The following HLF variants were observed in gnomAD, a reference collection of about 807,000 sequenced individuals.
The protein encoded by HLF is HLF transcription factor, PAR bZIP family member.
HLF carries 3 observed loss-of-function variants against 22.6 expected under a neutral mutation model. The ratio of observed to expected loss-of-function variants is 0.13; its 90% CI spans 0.06 to 0.34. HLF has a LOEUF of 0.34. Among genes scored for constraint, HLF ranks in the 10% least tolerant of loss-of-function variants. HLF has a pLI of 1.00. For missense variants in HLF, 299 were observed against 389.2 expected, an observed-to-expected ratio of 0.77 and a Z score of 1.95; for synonymous variants, 151 against 151.8, an observed-to-expected ratio of 0.99 and a Z score of 0.04.
chr17:55,317,367 T>C (rs1905112114), intron 3 of HLF, among the ~76,000 whole-genome samples: 3 of 152,206 alleles, frequency 2.0e-5, no homozygotes, highest in Non-Finnish European at 4.4e-5. Flanking sequence ...AGGATGCTGC[T>C]ATGAGTGATA....
chr17:55,285,989 T>C (rs2081000679), intron 2 of HLF, among the ~76,000 whole-genome samples: 2 of 152,130 alleles, frequency 1.3e-5, no homozygotes, highest in Non-Finnish European at 2.9e-5. Context: ...GCCACCCTTT[T>C]CTCTTGCAAA....
chr17:55,319,259 C>T (rs949004898), intron 3 of HLF, among the ~76,000 whole-genome samples: 2 of 151,954 alleles, frequency 1.3e-5, no homozygotes, highest in Non-Finnish European at 2.9e-5. Flanking sequence ...GGGGGTGGAC[C>T]GCTGACCTTA....
intron 2 of HLF, among the ~76,000 whole-genome samples, chr17:55,270,125 A>G (rs996562477): frequency 2.0e-5 from 3 of 152,212 alleles, no homozygotes; most frequent in Non-Finnish European, 4.4e-5. Flanking sequence ...CAGAGTTGCA[A>G]TGCATAGCAA....
intron 2 of HLF, among the ~76,000 whole-genome samples, chr17:55,314,653 T>C (rs1904991942): frequency 6.6e-6 from 1 of 152,228 alleles, no homozygotes; most frequent in Admixed American, 6.5e-5. Context: ...AATGCAAACC[T>C]CTGTCTTGTC....
At chr17:55,310,237 A>T (rs1049889908) in intron 2 of HLF, among the ~76,000 whole-genome samples, 3 of 152,206 alleles carry the variant, frequency 2.0e-5, no homozygotes, top group Non-Finnish European at 4.4e-5. Context: ...AACAAAAAAA[A>T]CGAAAAACAA....
intron 2 of HLF, among the ~76,000 whole-genome samples, chr17:55,295,993 T>C (rs903101397): frequency 6.6e-6 from 1 of 152,164 alleles, no homozygotes; most frequent in African/African-American, 2.4e-5. Flanking sequence ...AAAATGCCCT[T>C]GATAGAAGCA....
chr17:55,273,511 G>A (rs940152563), intron 2 of HLF: 2 of 152,194 alleles, frequency 1.3e-5, no homozygotes, highest in Middle Eastern at 3.2e-3. Flanking sequence ...AACACTTACA[G>A]CCTGACCTTT....
At chr17:55,304,796 G>T (rs767784291) in intron 2 of HLF, among the ~76,000 whole-genome samples, 1 of 152,176 alleles carries the variant, frequency 6.6e-6, no homozygotes, top group Middle Eastern at 3.2e-3. Context: ...CCCATTCAGC[G>T]CCCTGAGGTG....
Position 55,315,279 on chromosome 17 carries a change from C to T in HLF, c.504C>T (p.Thr168=). 1 of 1,614,166 alleles carries T rather than the reference C, an allele frequency of 6.2e-7. No homozygotes were observed. The highest frequency in any genetic ancestry group is 8.5e-7 in the Non-Finnish European group (1 of 1,180,008). The change falls in exon 3 of 4, where the codon ACC becomes ACT. Residue 168 remains threonine, a synonymous_variant. Coordinates refer to ENST00000226067, the MANE Select transcript of HLF (RefSeq NM_002126.5). ...CACCAAGTCCCATTGATCCTGACAC[C>T]ATCCAGGTCCCAGTGGGTTATGAGC... ...RNTPSPIDPD[T]IQVPVGYEPD... is the part of the protein sequence containing the mutation.
intron 2 of HLF, among the ~76,000 whole-genome samples, chr17:55,312,926 A>G (rs1904897978): frequency 6.6e-6 from 1 of 152,218 alleles, no homozygotes; most frequent in Admixed American, 6.5e-5. Flanking sequence ...AAAGGAAAAA[A>G]TGAGTTTAGT....
intron 2 of HLF, among the ~76,000 whole-genome samples, chr17:55,294,957 G>A (rs2081098762): frequency 6.6e-6 from 1 of 152,188 alleles, no homozygotes; most frequent in African/African-American, 2.4e-5. Flanking sequence ...ACAAGCTCAT[G>A]GATGTTTGTT....
chr17:55,266,901 C>A, intron 1 of HLF: 1 of 607,524 alleles, frequency 1.6e-6, no homozygotes, highest in Non-Finnish European at 2.1e-6. Flanking sequence ...TAGAATAACT[C>A]ACCTTTTCCA....
chr17:55,279,544 G>T (rs968687111), intron 2 of HLF, among the ~76,000 whole-genome samples: 6 of 151,706 alleles, frequency 4.0e-5, no homozygotes, highest in African/African-American at 1.5e-4. Flanking sequence ...GACCAACCTG[G>T]GTAACCGAGT....
At chr17:55,319,374 G>A (rs978407761) in intron 3 of HLF, among the ~76,000 whole-genome samples, 1 of 152,182 alleles carries the variant, frequency 6.6e-6, no homozygotes, top group African/African-American at 2.4e-5. Context: ...ATTTATTCTG[G>A]GTGGCATGTA....
At chr17:55,285,825 A>AGTGTTGTTTGC (rs2080998662) in intron 2 of HLF, among the ~76,000 whole-genome samples, 1 of 152,196 alleles carries the variant, frequency 6.6e-6, no homozygotes, top group Admixed American at 6.5e-5. Flanking sequence ...AAGTTAGAGA[A>AGTGTTGTTTGC]GTGTTGTTTG....
In HLF at chr17:55,267,768, G is replaced by A. The variant is rs945568063; in HGVS notation, c.133G>A (p.Asp45Asn). ...TTCTGCAGCATTTAGTAAAGATAAA[G>A]ACAAGGAAAAGAAGCTGGATGATGA... ...HHEDAFSKDK[D>N]KEKKLDDESN... The change falls in exon 2 of 4, where the codon GAC becomes AAC. Residue 45 changes from aspartate to asparagine, a missense_variant. Asp to Asn is a conservative substitution (Grantham distance 23). Around this residue, in one of 3 missense-constraint regions of HLF, gnomAD observed 72 missense variants for 74.0 expected, o/e 0.97. Transcript: ENST00000226067. The A allele has an allele frequency of 1.1e-5, 17 of 1,585,384 alleles. No homozygotes were observed. The highest frequency in any genetic ancestry group is 5.2e-5 in the Admixed American group (3 of 57,708).
At chr17:55,270,937 C>T (rs756940843) in intron 2 of HLF, among the ~76,000 whole-genome samples, 13 of 152,144 alleles carry the variant, frequency 8.5e-5, no homozygotes, top group African/African-American at 2.2e-4. Flanking sequence ...CCACCGCGCC[C>T]GGCCTTGGGT....
chr17:55,316,790 A>C (rs1905084517), intron 3 of HLF, among the ~76,000 whole-genome samples: 1 of 152,310 alleles, frequency 6.6e-6, no homozygotes, highest in Admixed American at 6.5e-5. Flanking sequence ...GAATCAAAAA[A>C]GGAAATCACA....
intron 2 of HLF, among the ~76,000 whole-genome samples, chr17:55,309,037 C>A (rs1034511818): frequency 1.3e-5 from 2 of 152,208 alleles, no homozygotes; most frequent in Non-Finnish European, 2.9e-5. Context: ...CTAACACTAT[C>A]ATTTCTGCCA....
Sources: gnomAD v4.1 joint callset for allele counts (sites outside exome capture counted in the v4.1 genomes callset) on GRCh38, gnomAD v4.1.1 for gene constraint, gnomAD v4.1.1 regional missense constraint, MANE v1.5 for transcripts, NCBI Gene and HGNC (gene_info 2026-07-23, HGNC 2026-07-21) for gene names.